The following RPS6KC1 variants were observed in gnomAD, a reference collection of about 807,000 sequenced individuals.
RPS6KC1 encodes the protein inactive ribosomal protein S6 kinase delta-1.
A neutral mutation model predicts 103.8 loss-of-function variants in RPS6KC1; 54 were observed. The observed-to-expected ratio is 0.52, with a 90% confidence interval of 0.42 to 0.65. The LOEUF is 0.65. RPS6KC1 is among the 30% of genes least tolerant of loss of function. The pLI, the probability that RPS6KC1 is intolerant of heterozygous loss-of-function variation, is 0.00. For missense variants in RPS6KC1, 1,151 were observed against 1,253.8 expected (o/e 0.92, Z 1.24); for synonymous variants, 439 against 438.7 (o/e 1.00, Z -0.01).
the RPS6KC1 span, among the ~76,000 whole-genome samples, chr1:213,670,458 G>A: frequency 7.2e-5 from 11 of 152,206 alleles, no homozygotes; most frequent in South Asian, 2.1e-4. Flanking sequence ...AAATGAAAGT[G>A]TTCTCTTGAG....
At chr1:213,627,767 T>C in the RPS6KC1 span, among the ~76,000 whole-genome samples, 52 of 152,312 alleles carry the variant, frequency 3.4e-4, no homozygotes, top group Admixed American at 1.0e-3. Context: ...ATCCCAGGCA[T>C]GAAGCCCACT....
chr1:213,229,150 A>G (rs1249155574), intron 8 of RPS6KC1, among the ~76,000 whole-genome samples: 1 of 152,124 alleles, frequency 6.6e-6, no homozygotes, highest in Admixed American at 6.5e-5. Flanking sequence ...ATTGTATTGA[A>G]ATTAATGGAA....
At chr1:213,060,779 T>G (rs1045082038) in intron 1 of RPS6KC1, among the ~76,000 whole-genome samples, 3 of 152,220 alleles carry the variant, frequency 2.0e-5, no homozygotes, top group African/African-American at 7.2e-5. Flanking sequence ...AAACATATAC[T>G]GAGTATCTAG....
At chr1:213,235,761 G>A (rs149675040) in intron 10 of RPS6KC1, among the ~76,000 whole-genome samples, 76 of 152,238 alleles carry the variant, frequency 5.0e-4, no homozygotes, top group African/African-American at 1.7e-3. Flanking sequence ...TTAAGAACTG[G>A]ACTTTTATTC....
At chr1:213,098,951 A>G (rs549825835) in intron 3 of RPS6KC1, among the ~76,000 whole-genome samples, 23 of 152,304 alleles carry the variant, frequency 1.5e-4, no homozygotes, top group African/African-American at 3.6e-4. Context: ...TGCATTTTCT[A>G]TGTTTCTATG....
the RPS6KC1 span, among the ~76,000 whole-genome samples, chr1:213,614,776 C>A: frequency 6.6e-6 from 1 of 152,216 alleles, no homozygotes; most frequent in Non-Finnish European, 1.5e-5. Context: ...GAGTCAGGGA[C>A]AAGACTGGGC....
the RPS6KC1 span, among the ~76,000 whole-genome samples, chr1:213,300,572 C>T: frequency 7.9e-5 from 12 of 152,250 alleles, no homozygotes; most frequent in South Asian, 4.1e-4. Flanking sequence ...TGAAGCTCTT[C>T]GAGGTTGATT....
chr1:213,808,124 C>T, the RPS6KC1 span, among the ~76,000 whole-genome samples: 1 of 152,138 alleles, frequency 6.6e-6, no homozygotes, highest in Non-Finnish European at 1.5e-5. Context: ...GCTGTCTGAT[C>T]GTTCCTCTGG....
At chr1:213,363,625 G>GCTTGCTTGCTTGCTTT in the RPS6KC1 span, among the ~76,000 whole-genome samples, 1 of 73,780 alleles carries the variant, frequency 1.4e-5, no homozygotes, top group Non-Finnish European at 2.6e-5. Context: ...TTGCTTGCTT[G>GCTTGCTTGCTTGCTTT]CTTTCTTTCT....
At chr1:213,375,294 TACAC>T in the RPS6KC1 span, among the ~76,000 whole-genome samples, 10 of 151,534 alleles carry the variant, frequency 6.6e-5, no homozygotes, top group African/African-American at 1.2e-4. Flanking sequence ...CACACATACA[TACAC>T]ACATACACAC....
the RPS6KC1 span, among the ~76,000 whole-genome samples, chr1:213,526,082 A>G: frequency 2.0e-5 from 3 of 152,176 alleles, no homozygotes; most frequent in African/African-American, 7.2e-5. Flanking sequence ...GTAGAGTGAG[A>G]AAACTGCAGG....
intron 6 of RPS6KC1, among the ~76,000 whole-genome samples, chr1:213,165,331 A>G (rs2148136718): frequency 6.7e-6 from 1 of 150,302 alleles, no homozygotes; most frequent in Admixed American, 6.6e-5. Flanking sequence ...CCCGGGTTCA[A>G]ATGATTCTCC....
At chr1:213,723,315 A>G in the RPS6KC1 span, among the ~76,000 whole-genome samples, 1 of 152,262 alleles carries the variant, frequency 6.6e-6, no homozygotes, top group African/African-American at 2.4e-5. Context: ...TAGGGCTGCC[A>G]TAACAAAGCA....
At chr1:213,544,240 T>C in the RPS6KC1 span, among the ~76,000 whole-genome samples, 2,669 of 152,182 alleles carry the variant, frequency 0.018, 76 homozygotes, top group African/African-American at 0.06. Flanking sequence ...AGAATCCTTC[T>C]GCTGCAGGAG....
At chr1:213,142,582 C>T (rs1312959325) in intron 6 of RPS6KC1, among the ~76,000 whole-genome samples, 2 of 151,958 alleles carry the variant, frequency 1.3e-5, no homozygotes, top group Admixed American at 6.6e-5. Flanking sequence ...AGGGTCTTTG[C>T]TTGTGGCTGA....
At chr1:213,278,909 T>A (rs971996922), downstream of RPS6KC1, among the ~76,000 whole-genome samples, 6 of 151,924 alleles carry the variant, frequency 3.9e-5, 1 homozygote, top group African/African-American at 1.5e-4. Context: ...TATATTTTGT[T>A]TGGAGAGAAG....
At chr1:213,322,983 C>T in the RPS6KC1 span, among the ~76,000 whole-genome samples, 2 of 143,670 alleles carry the variant, frequency 1.4e-5, no homozygotes, top group East Asian at 2.1e-4. Context: ...AAGCTGGTCT[C>T]GAACCCCTAA....
At chr1:213,304,827 C>T in the RPS6KC1 span, among the ~76,000 whole-genome samples, 1 of 152,150 alleles carries the variant, frequency 6.6e-6, no homozygotes, top group Non-Finnish European at 1.5e-5. Flanking sequence ...AGGCGTGAGC[C>T]AGCATGCCCA....
rs568609413 is a variant in RPS6KC1 at position 213,154,066 on chromosome 1, A to G, written c.836-13792A>G. The stretch of plus-strand genomic sequence containing the variant: ...AAGATCAGGGAGAATTCTCTTGATT[A>G]CCAGTCAGAGGCTCTTGTTGTTTCC... On this transcript the variant is annotated intron_variant, in intron 6 of 14. Coordinates refer to ENST00000366960, the MANE Select transcript of RPS6KC1 (RefSeq NM_012424.6). Among the ~76,000 whole-genome samples, 301 of 152,306 alleles carry G rather than the reference A, an allele frequency of 2.0e-3. 1 individual carries two copies. Among genetic ancestry groups the G allele is most frequent in the African/African-American group, 7.0e-3 (290 of 41,564 alleles).
Sources: allele counts gnomAD v4.1 joint callset (sites outside exome capture counted in the v4.1 genomes callset), GRCh38; gene constraint gnomAD v4.1.1; transcripts MANE v1.5; gene names NCBI Gene and HGNC (gene_info 2026-07-23, HGNC 2026-07-21).